The following EIF4G3 variants were observed in gnomAD, a reference collection of about 807,000 sequenced individuals.
EIF4G3 encodes the protein eIF-4-gamma 3.
A neutral mutation model predicts 186.4 loss-of-function variants in EIF4G3; 34 were observed. That is an observed-to-expected ratio of 0.18 (90% CI 0.14 to 0.24). EIF4G3 has a LOEUF of 0.24. Among genes scored for constraint, EIF4G3 ranks in the 10% least tolerant of loss-of-function variants. The probability of loss-of-function intolerance (pLI) is 1.00; values close to 1 mark genes in which losing one functional copy is unlikely to be tolerated. For synonymous variants in EIF4G3, 673 were observed against 679.5 expected (o/e 0.99, Z 0.15); for missense variants, 1,536 against 1,948.5 (o/e 0.79, Z 3.99).
At chr1:20,892,637 C>A in intron 18 of EIF4G3, 1 of 1,535,822 alleles carries the variant, frequency 6.5e-7, no homozygotes, top group Non-Finnish European at 8.7e-7. Context: ...GCAGGCTCTT[C>A]ATGGGTGGGT....
intron 33 of EIF4G3, among the ~76,000 whole-genome samples, chr1:20,822,960 G>A (rs1326295064): frequency 2.0e-5 from 3 of 151,940 alleles, no homozygotes; most frequent in Non-Finnish European, 4.4e-5. Context: ...TTTACTGCTC[G>A]TTTCTCAGCA....
chr1:20,886,105 A>T, intron 19 of EIF4G3, 96 bp downstream of exon 19: 1 of 1,385,988 alleles, frequency 7.2e-7, no homozygotes, highest in Non-Finnish European at 9.8e-7. Flanking sequence ...AAAAAGTCTT[A>T]AACTGATTAT....
intron 4 of EIF4G3, among the ~76,000 whole-genome samples, chr1:21,038,564 C>G (rs1206571033): frequency 6.6e-6 from 1 of 152,152 alleles, no homozygotes; most frequent in African/African-American, 2.4e-5. Context: ...AGTTCTCATT[C>G]ATTTGTCACA....
intron 2 of EIF4G3, among the ~76,000 whole-genome samples, chr1:21,169,259 T>C (rs1299617689): frequency 6.6e-6 from 1 of 152,054 alleles, no homozygotes; most frequent in Non-Finnish European, 1.5e-5. Flanking sequence ...GAGACCAGCC[T>C]GGCCAACATG....
intron 22 of EIF4G3, among the ~76,000 whole-genome samples, chr1:20,863,042 G>A (rs1294213602): frequency 6.6e-6 from 1 of 152,120 alleles, no homozygotes; most frequent in Non-Finnish European, 1.5e-5. Flanking sequence ...TTCTGCCTCA[G>A]CCTCCCAAAG....
At position 20,829,249 on chromosome 1, in the gene EIF4G3, G is replaced by A. The variant is rs775676488; in HGVS notation, c.4085C>T (p.Ala1362Val). 2.5e-6 allele frequency: 4 copies of A among 1,613,512 alleles called. No individual in the cohort carries two copies. The African/African-American group carries it at 5.3e-5, about 22-fold the overall frequency. The change falls in exon 31 of 37, where the codon GCA becomes GTA. Residue 1362 changes from alanine to valine, a missense_variant. By Grantham distance (64) the Ala-to-Val change is moderately conservative. This residue lies in a region of EIF4G3 where 395 missense variants were observed against 498.9 expected (regional missense o/e 0.79). Coordinates refer to ENST00000602326, the MANE Select transcript of EIF4G3 (RefSeq NM_001391906.1). ...FKGFSETLEL[A>V]DDMAIDIPHI... is the part of the protein sequence containing the mutation. ...GGGAATATCAATGGCCATGTCATCT[G>A]CCAATTCCAAAGTTTCTGAAAAACT...
chr1:21,119,166 C>G (rs887977073), intron 2 of EIF4G3, among the ~76,000 whole-genome samples: 1 of 151,832 alleles, frequency 6.6e-6, no homozygotes, highest in African/African-American at 2.4e-5. Flanking sequence ...TATTCTGAAG[C>G]CTATCTAGTT....
At chr1:20,974,113 T>C (rs1345986413) in intron 10 of EIF4G3, among the ~76,000 whole-genome samples, 1 of 152,122 alleles carries the variant, frequency 6.6e-6, no homozygotes, top group Non-Finnish European at 1.5e-5. Flanking sequence ...AAGAGTTCAG[T>C]TTTAGACAGG....
chr1:21,168,110 G>A (rs577370134), intron 2 of EIF4G3: 1 of 463,978 alleles, frequency 2.2e-6, no homozygotes, highest in African/African-American at 2.0e-5. Context: ...AACTATTCAA[G>A]AAGTATCTCT....
Position 20,942,103 on chromosome 1 carries a change from T to A in EIF4G3, c.1051A>T (p.Thr351Ser). 6.2e-7 allele frequency: 1 copy of A among 1,614,106 alleles called. No individual in the cohort carries two copies. The highest frequency in any genetic ancestry group is 8.5e-7 in the Non-Finnish European group (1 of 1,180,006). The stretch of plus-strand genomic sequence containing the variant: ...AGTTCACATCTGTCATCTATAGCAG[T>A]GGTGAATATTGGTTGGCTACTAAGA... Reference protein sequence around the residue: ...SALSSQPIFTTAIDDRCELSS... With the variant: ...SALSSQPIFTSAIDDRCELSS... The change falls in exon 14 of 37, where the codon ACT becomes TCT. Residue 351 changes from threonine to serine, a missense_variant. This residue lies in a region of EIF4G3 where 560 missense variants were observed against 547.8 expected (regional missense o/e 1.02). Transcript: ENST00000602326.
chr1:21,152,711 ATCAAC>A (rs1377341944), intron 2 of EIF4G3, among the ~76,000 whole-genome samples: 2 of 152,242 alleles, frequency 1.3e-5, no homozygotes, highest in Non-Finnish European at 2.9e-5. Context: ...AATAAAATAT[ATCAAC>A]ATTTGGAAAA....
chr1:20,886,160 TATA>T (rs2084074490), intron 19 of EIF4G3, 38 bp downstream of exon 19: 1 of 1,566,278 alleles, frequency 6.4e-7, no homozygotes, highest in Non-Finnish European at 8.6e-7. Flanking sequence ...ACAAAATCAA[TATA>T]ATTTCAAAAG....
chr1:20,859,386 C>T (rs912381374), intron 24 of EIF4G3, among the ~76,000 whole-genome samples: 1 of 152,202 alleles, frequency 6.6e-6, no homozygotes, highest in African/African-American at 2.4e-5. Flanking sequence ...TTCTTCCATG[C>T]AGAATTCATC....
At chr1:21,140,233 A>T (rs2097314157) in intron 2 of EIF4G3, among the ~76,000 whole-genome samples, 1 of 152,248 alleles carries the variant, frequency 6.6e-6, no homozygotes, top group Non-Finnish European at 1.5e-5. Flanking sequence ...AAAGAAGGCA[A>T]TAACCTACAG....
At chr1:20,886,657 A>G (rs2084258897) in intron 18 of EIF4G3, among the ~76,000 whole-genome samples, 2 of 152,218 alleles carry the variant, frequency 1.3e-5, no homozygotes, top group Admixed American at 6.5e-5. Flanking sequence ...ATTTAAGCTT[A>G]TCTTTTATTA....
intron 3 of EIF4G3, among the ~76,000 whole-genome samples, chr1:21,077,602 C>T (rs1024391233): frequency 6.6e-6 from 1 of 151,220 alleles, no homozygotes; most frequent in African/African-American, 2.4e-5. Context: ...AAAAACGGGC[C>T]GGGCGTGGTG....
At chr1:20,813,021 G>A in intron 35 of EIF4G3, 137 bp downstream of exon 35, 1 of 598,508 alleles carries the variant, frequency 1.7e-6, no homozygotes, top group Non-Finnish European at 2.9e-6. Context: ...AGGCATCACA[G>A]ACAGAAAGGA....
intron 14 of EIF4G3, among the ~76,000 whole-genome samples, chr1:20,933,110 G>C (rs2095390539): frequency 6.6e-6 from 1 of 152,198 alleles, no homozygotes; most frequent in Non-Finnish European, 1.5e-5. Context: ...GAGAAGTTTA[G>C]AGTTCATCTT....
rs146529769 is a variant in EIF4G3, at chr1:20,849,462, T to C, written c.3841A>G (p.Lys1281Glu). ...AALSEEELER[K>E]SKSIIDEFLH... ...AATTCATCAATGATAGATTTCGACT[T>C]CCTCTCCAGTTCCTCTTCTGATAAT... The change falls in exon 29 of 37, where the codon AAG becomes GAG. Residue 1281 changes from lysine (K) to glutamate (E), a missense_variant. Lys to Glu is a moderately conservative substitution (Grantham distance 56). This residue lies in a region of EIF4G3 where 395 missense variants were observed against 498.9 expected (regional missense o/e 0.79). Transcript: ENST00000602326. 577 of 1,564,564 alleles carry C rather than the reference T, an allele frequency of 3.7e-4. 1 individual carries two copies. Among genetic ancestry groups the C allele is most frequent in the Non-Finnish European group, 4.9e-4 (566 of 1,159,686 alleles).
Sources: allele counts gnomAD v4.1 joint callset (sites outside exome capture counted in the v4.1 genomes callset), GRCh38; gene constraint gnomAD v4.1.1; regional missense constraint gnomAD v4.1.1; transcripts MANE v1.5; gene names NCBI Gene and HGNC (gene_info 2026-07-23, HGNC 2026-07-21).